The following GPC5 variants were observed in gnomAD, a reference collection of about 807,000 sequenced individuals.
The protein encoded by GPC5 is glypican 5, also known as glypican-5.
In GPC5, 47 loss-of-function variants were observed where a neutral mutation model predicts 53.9. The ratio of observed to expected loss-of-function variants is 0.87; its 90% confidence interval spans 0.69 to 1.11. The LOEUF (loss-of-function observed/expected upper bound fraction) is 1.11. Among genes scored for constraint, GPC5 ranks in the 50% most tolerant of loss-of-function variants. GPC5 has a pLI of 0.00. For missense variants in GPC5, 748 were observed against 713.1 expected, an observed-to-expected ratio of 1.05 and a Z score of -0.56; for synonymous variants, 286 against 263.3, an observed-to-expected ratio of 1.09 and a Z score of -0.84.
intron 7 of GPC5, among the ~76,000 whole-genome samples, chr13:92,587,080 T>G (rs998768013): frequency 2.6e-5 from 4 of 152,130 alleles, no homozygotes; most frequent in African/African-American, 9.7e-5. Flanking sequence ...CCTAACTAGT[T>G]GAGAGTTAGT....
intron 3 of GPC5, among the ~76,000 whole-genome samples, chr13:91,698,847 C>T (rs555551879): frequency 6.6e-6 from 1 of 152,290 alleles, no homozygotes; most frequent in South Asian, 2.1e-4. Flanking sequence ...CAGAGTGCAT[C>T]ACCTTCTCGT....
rs191123743 is a variant in GPC5, at chr13:92,206,401, G to C, written c.1561+61412G>C. On this transcript the variant is annotated intron_variant, in intron 7 of 7. Coordinates refer to ENST00000377067, the MANE Select transcript of GPC5 (RefSeq NM_004466.6). ...AGGATGGTCTCGATCTCCTGACCTC[G>C]TGATCCACCCGCTTCGGCCTCCCAA... Among the ~76,000 whole-genome samples the C allele has an allele frequency of 3.5e-3, 535 of 150,948 alleles. 3 individuals carry two copies. Among genetic ancestry groups the C allele is most frequent in the African/African-American group, 0.012 (515 of 41,298 alleles).
chr13:92,156,423 TG>T (rs1256325179), intron 7 of GPC5, among the ~76,000 whole-genome samples: 2 of 152,194 alleles, frequency 1.3e-5, no homozygotes, highest in African/African-American at 4.8e-5. Flanking sequence ...CTGTGGGTTC[TG>T]TTGTTTTCAT....
intron 3 of GPC5, among the ~76,000 whole-genome samples, chr13:91,718,588 C>T (rs533456484): frequency 1.9e-4 from 29 of 151,998 alleles, no homozygotes; most frequent in African/African-American, 7.0e-4. Flanking sequence ...GCTCAATGGT[C>T]ATGTGAGGAA....
chr13:92,772,534 C>A (rs919151729), intron 7 of GPC5, among the ~76,000 whole-genome samples: 2 of 152,100 alleles, frequency 1.3e-5, no homozygotes, highest in African/African-American at 4.8e-5. Context: ...AGAGGACTTC[C>A]CTGACTTTCT....
At chr13:92,490,606 T>C (rs991030482) in intron 7 of GPC5, among the ~76,000 whole-genome samples, 10 of 152,152 alleles carry the variant, frequency 6.6e-5, no homozygotes, top group African/African-American at 2.4e-4. Flanking sequence ...TTTGTCCCAG[T>C]GGTCTGTTTA....
At chr13:92,291,452 G>A (rs1180783653) in intron 7 of GPC5, among the ~76,000 whole-genome samples, 2 of 152,028 alleles carry the variant, frequency 1.3e-5, no homozygotes, top group Admixed American at 6.6e-5. Context: ...TGCACCAATC[G>A]ACACTGTATC....
At chr13:91,923,568 G>A (rs953161136) in intron 6 of GPC5, among the ~76,000 whole-genome samples, 15 of 152,064 alleles carry the variant, frequency 9.9e-5, no homozygotes, top group African/African-American at 3.6e-4. Context: ...TATGAAATAT[G>A]ATACACCTTA....
intron 7 of GPC5, among the ~76,000 whole-genome samples, chr13:92,428,175 A>G (rs891897897): frequency 6.6e-6 from 1 of 152,076 alleles, no homozygotes; most frequent in African/African-American, 2.4e-5. Context: ...CCCCCAACCT[A>G]TGGCGGACAC....
intron 7 of GPC5, among the ~76,000 whole-genome samples, chr13:92,724,834 A>C (rs576517839): frequency 3.2e-4 from 48 of 150,040 alleles, no homozygotes; most frequent in Non-Finnish European, 4.9e-4. Flanking sequence ...TGCTCATTTA[A>C]AGATTTCTTA....
At chr13:92,411,876 T>G (rs372932130) in intron 7 of GPC5, among the ~76,000 whole-genome samples, 35 of 114,390 alleles carry the variant, frequency 3.1e-4, no homozygotes, top group African/African-American at 1.1e-3. Context: ...TTTACCGTTA[T>G]CTTTCTATTA....
intron 7 of GPC5, among the ~76,000 whole-genome samples, chr13:92,235,058 G>C (rs377569234): frequency 1.3e-5 from 2 of 152,238 alleles, no homozygotes; most frequent in East Asian, 3.9e-4. Flanking sequence ...TAAATTTAAA[G>C]TATGAAGTCA....
chr13:92,569,599 A>G (rs544368887), intron 7 of GPC5, among the ~76,000 whole-genome samples: 49 of 152,242 alleles, frequency 3.2e-4, no homozygotes, highest in Non-Finnish European at 5.3e-4. Flanking sequence ...GGATGTCATC[A>G]AAAACACCCG....
intron 7 of GPC5, among the ~76,000 whole-genome samples, chr13:92,378,281 C>T (rs2043710843): frequency 6.6e-6 from 1 of 152,002 alleles, no homozygotes; most frequent in Non-Finnish European, 1.5e-5. Flanking sequence ...GGATTAAGAA[C>T]CAACTAAAAC....
intron 7 of GPC5, among the ~76,000 whole-genome samples, chr13:92,595,255 A>G (rs1285714354): frequency 6.6e-6 from 1 of 152,174 alleles, no homozygotes; most frequent in East Asian, 1.9e-4. Context: ...ATCAAAGCAT[A>G]CCAAATACCT....
chr13:92,408,629 G>C (rs373297525), intron 7 of GPC5, among the ~76,000 whole-genome samples: 6 of 148,006 alleles, frequency 4.1e-5, no homozygotes, highest in African/African-American at 1.5e-4. Flanking sequence ...TATATATATA[G>C]ACACACACAC....
chr13:92,170,419 G>GTTT (rs2042061455), intron 7 of GPC5, among the ~76,000 whole-genome samples: 2 of 80,320 alleles, frequency 2.5e-5, no homozygotes, highest in African/African-American at 5.0e-5. Flanking sequence ...TCTTTTCTTT[G>GTTT]CTTTTTTTTT....
chr13:92,414,040 G>A (rs1278091616), intron 7 of GPC5, among the ~76,000 whole-genome samples: 1 of 152,068 alleles, frequency 6.6e-6, no homozygotes, highest in South Asian at 2.1e-4. Context: ...GAGTGAATTG[G>A]AGGGTTACTC....
chr13:92,186,049 T>C (rs1423711830), intron 7 of GPC5, among the ~76,000 whole-genome samples: 1 of 152,106 alleles, frequency 6.6e-6, no homozygotes, highest in East Asian at 1.9e-4. Context: ...AATCAGATAT[T>C]ATGAAAAGTT....
Sources: allele counts gnomAD v4.1 joint callset (sites outside exome capture counted in the v4.1 genomes callset), GRCh38; gene constraint gnomAD v4.1.1; transcripts MANE v1.5; gene names NCBI Gene and HGNC (gene_info 2026-07-23, HGNC 2026-07-21).